PIAS2: variants seen among roughly 807,000 people sequenced by gnomAD.
PIAS2 encodes E3 SUMO-protein ligase PIAS2.
Under a neutral mutation model 69.7 loss-of-function variants are expected in PIAS2, and 19 were observed. The ratio of observed to expected loss-of-function variants is 0.27; its 90% CI spans 0.19 to 0.40. PIAS2 has a LOEUF of 0.40. PIAS2 is among the 10% of genes least tolerant of loss of function. The pLI, the probability that PIAS2 is intolerant of heterozygous loss-of-function variation, is 1.00. For synonymous variants in PIAS2, 261 were observed against 263.2 expected, an observed-to-expected ratio of 0.99 and a Z score of 0.08; for missense variants, 624 against 757.0, an observed-to-expected ratio of 0.82 and a Z score of 2.06.
chr18:46,826,159 T>C (rs970522494), intron 11 of PIAS2, among the ~76,000 whole-genome samples: 2 of 152,236 alleles, frequency 1.3e-5, no homozygotes, highest in African/African-American at 4.8e-5. Flanking sequence ...ATTTCTATCT[T>C]ATACTTACCA....
chr18:46,829,586 G>C (rs1301305853), intron 10 of PIAS2, 148 bp downstream of exon 10: 6 of 672,770 alleles, frequency 8.9e-6, no homozygotes, highest in Non-Finnish European at 1.5e-5. Context: ...CTTCAGGAAA[G>C]AATAAAAATC....
chr18:46,858,339 C>G (rs557276827), intron 3 of PIAS2, among the ~76,000 whole-genome samples: 1 of 151,944 alleles, frequency 6.6e-6, no homozygotes, highest in Non-Finnish European at 1.5e-5. Context: ...ACTGAATGGG[C>G]TTTAGAAAGA....
chr18:46,891,362 G>A (rs542203194), intron 1 of PIAS2: 3 of 369,990 alleles, frequency 8.1e-6, no homozygotes, highest in East Asian at 6.2e-5. Context: ...TTTGCTTTAT[G>A]ACTATAAAAT....
At position 46,864,267 on chromosome 18, in the gene PIAS2, A is replaced by T. The variant is rs756567703; in HGVS notation, c.500-19T>A. ...CTTTGAACTGGGAAGAAAAAAAAAA[A>T]GAAAGATAATATTTCAATAACAAAT... On this transcript the variant is annotated intron_variant, in intron 2 of 13. Transcript: ENST00000585916. 9.4e-6 allele frequency: 14 copies of T among 1,495,266 alleles called. No individual in the cohort carries two copies. In the South Asian group the frequency reaches 9.8e-5, roughly 10 times the overall value. 92.6% of individuals were successfully genotyped at this position (1,495,266 alleles called of 1,614,324 possible). A position where few individuals can be genotyped will look rare whatever the true frequency, so the allele number is the denominator to read the frequency against.
intron 1 of PIAS2, among the ~76,000 whole-genome samples, chr18:46,916,457 G>C (rs530323819): frequency 6.6e-6 from 1 of 151,736 alleles, no homozygotes; most frequent in African/African-American, 2.4e-5. Flanking sequence ...TATGTCGCCA[G>C]TAATTCAGCG....
intron 10 of PIAS2, among the ~76,000 whole-genome samples, chr18:46,828,335 G>A (rs1206269937): frequency 6.6e-6 from 1 of 152,130 alleles, no homozygotes; most frequent in Non-Finnish European, 1.5e-5. Context: ...AGACAGGTGA[G>A]CACTATTCCT....
chr18:46,910,033 G>C (rs1054966270), intron 1 of PIAS2, among the ~76,000 whole-genome samples: 3 of 152,114 alleles, frequency 2.0e-5, no homozygotes, highest in African/African-American at 7.2e-5. Context: ...GTGCACACCT[G>C]TAATCCCGGC....
rs11418545 is a variant in PIAS2 at position 46,858,222 on chromosome 18, T to TAA, written c.585-2609_585-2608dup. On this transcript the variant is annotated intron_variant, in intron 3 of 13. Transcript: ENST00000585916. ...AGAAAAGAGTAACAGGAGATAAGAT[T>TAA]AAAAAAAAAAAAAAGCAGAGCAAGA... 3.0e-3 allele frequency among the ~76,000 whole-genome samples: 428 copies of TAA among 141,222 alleles called. 7 individuals are homozygous for TAA. Among genetic ancestry groups the TAA allele is most frequent in the African/African-American group, 9.7e-3 (368 of 38,090 alleles). 92.6% of individuals were successfully genotyped at this position (141,222 alleles called of 152,430 possible).
In PIAS2 at chr18:46,811,813, A is replaced by T. The variant is rs1269053583; in HGVS notation, c.*620T>A. 6.6e-6 allele frequency: 1 copy of T among 152,224 alleles called. No individual in the cohort carries two copies. The highest frequency in any genetic ancestry group is 1.5e-5 in the Non-Finnish European group (1 of 68,048). The allele number at this position is 152,224 out of a possible 1,614,324, so 9.4% of individuals were successfully genotyped here. A position where few individuals can be genotyped will look rare whatever the true frequency, so the allele number is the denominator to read the frequency against. Reference sequence around the variant, plus strand: ...CGTCAAAGTGTAAATGATAAGCAGGAAAAAAACCAAGTAACACGAATGCCA... The same window carrying T: ...CGTCAAAGTGTAAATGATAAGCAGGTAAAAAACCAAGTAACACGAATGCCA... On this transcript the variant is annotated 3_prime_UTR_variant, in exon 14 of 14. Transcript: ENST00000585916.
At chr18:46,842,965 G>T (rs2045640029) in intron 8 of PIAS2, among the ~76,000 whole-genome samples, 1 of 152,250 alleles carries the variant, frequency 6.6e-6, no homozygotes, top group East Asian at 1.9e-4. Flanking sequence ...TTCAAAAAAA[G>T]ATCTGCAAAT....
At chr18:46,869,196 C>G (rs1017349146) in intron 2 of PIAS2, among the ~76,000 whole-genome samples, 23 of 152,132 alleles carry the variant, frequency 1.5e-4, no homozygotes, top group African/African-American at 5.6e-4. Flanking sequence ...GACTTAAATT[C>G]CCGTGAGGGA....
At chr18:46,908,855 A>G (rs1000524983) in intron 1 of PIAS2, among the ~76,000 whole-genome samples, 9 of 152,122 alleles carry the variant, frequency 5.9e-5, no homozygotes, top group African/African-American at 2.2e-4. Context: ...TTAAAAATAC[A>G]AATATTAGCC....
chr18:46,894,011 T>C (rs1232405907), intron 1 of PIAS2, among the ~76,000 whole-genome samples: 4 of 152,024 alleles, frequency 2.6e-5, no homozygotes, highest in African/African-American at 9.7e-5. Flanking sequence ...CTGTAGTCCC[T>C]GCTACTCGGG....
chr18:46,874,285 T>C (rs2050821856), intron 2 of PIAS2, among the ~76,000 whole-genome samples: 1 of 152,338 alleles, frequency 6.6e-6, no homozygotes, highest in South Asian at 2.1e-4. Context: ...CAAGTAATAC[T>C]GGATCACCTT....
chr18:46,843,554 T>A (rs2045731639), intron 8 of PIAS2, among the ~76,000 whole-genome samples: 1 of 152,184 alleles, frequency 6.6e-6, no homozygotes, highest in Admixed American at 6.5e-5. Flanking sequence ...ATTAGCTCAG[T>A]GGCAAGTACA....
intron 8 of PIAS2, among the ~76,000 whole-genome samples, chr18:46,837,472 C>T (rs780275458): frequency 5.3e-5 from 8 of 152,078 alleles, no homozygotes; most frequent in Admixed American, 1.3e-4. Context: ...TATTTATAGG[C>T]ACTCTTTATA....
rs181576533 is a variant in PIAS2, at chr18:46,840,161, A to G, written c.1042-3644T>C. 3.1e-3 allele frequency among the ~76,000 whole-genome samples: 471 copies of G among 152,316 alleles called. 2 individuals are homozygous for G. The highest frequency in any genetic ancestry group is 6.8e-3 in the Middle Eastern group (2 of 294). On this transcript the variant is annotated intron_variant, in intron 8 of 13. Coordinates refer to ENST00000585916, the MANE Select transcript of PIAS2 (RefSeq NM_004671.5). ...GGATGACAGAGCAAGACTCTATCTCAAAAAGAAAGAAAAAGAAAAAAAAAA... is the reference window on the plus strand; with the variant it reads ...GGATGACAGAGCAAGACTCTATCTCGAAAAGAAAGAAAAAGAAAAAAAAAA...
chr18:46,889,600 G>C (rs1410563703), intron 2 of PIAS2, among the ~76,000 whole-genome samples: 3 of 152,104 alleles, frequency 2.0e-5, no homozygotes, highest in African/African-American at 7.2e-5. Context: ...AGGATGTGGA[G>C]AAACTGGAAC....
intron 2 of PIAS2, among the ~76,000 whole-genome samples, chr18:46,871,371 A>T (rs956433634): frequency 1.3e-5 from 2 of 152,178 alleles, no homozygotes; most frequent in South Asian, 2.1e-4. Flanking sequence ...AAAGCTTACA[A>T]AGGATTTAAG....
Sources: gnomAD v4.1 joint callset for allele counts (sites outside exome capture counted in the v4.1 genomes callset) on GRCh38, gnomAD v4.1.1 for gene constraint, MANE v1.5 for transcripts, NCBI Gene and HGNC (gene_info 2026-07-23, HGNC 2026-07-21) for gene names.